The following GLI3 variants were observed in gnomAD, a reference collection of about 807,000 sequenced individuals.
GLI3 encodes transcription activator GLI3.
In GLI3, 20 loss-of-function variants were observed where a neutral mutation model predicts 100.8. That is an observed-to-expected ratio of 0.20 (90% CI 0.14 to 0.29). The LOEUF (loss-of-function observed/expected upper bound fraction) is 0.29, where lower values mean the gene tolerates loss of function less well. Among genes scored for constraint, GLI3 ranks in the 10% least tolerant of loss-of-function variants. GLI3 has a pLI of 1.00. For synonymous variants in GLI3, 938 were observed against 860.5 expected, an observed-to-expected ratio of 1.09 and a Z score of -1.58; for missense variants, 2,040 against 2,128.5, an observed-to-expected ratio of 0.96 and a Z score of 0.82.
Position 42,080,883 on chromosome 7 carries a change from A to C in GLI3, c.368-4026T>G, listed in dbSNP as rs372621224. ...GACGAGAACAGGCCCTTGTCGCCAG[A>C]GCCGCCATAATTACCCAGCTCGCAG... On this transcript the variant is annotated intron_variant, in intron 3 of 14. Transcript: ENST00000395925. Among the ~76,000 whole-genome samples the C allele has an allele frequency of 9.2e-5, 14 of 152,282 alleles. No individual in the cohort carries two copies. In the South Asian group the frequency reaches 1.5e-3, roughly 16 times the overall value.
At chr7:42,009,801 G>T (rs1788562434) in intron 10 of GLI3, among the ~76,000 whole-genome samples, 1 of 152,156 alleles carries the variant, frequency 6.6e-6, no homozygotes, top group African/African-American at 2.4e-5. Context: ...GAAGTGAGCT[G>T]CTTGCTTTCA....
chr7:42,040,547 G>A (rs568752049), intron 6 of GLI3, among the ~76,000 whole-genome samples: 96 of 152,192 alleles, frequency 6.3e-4, no homozygotes, highest in African/African-American at 2.2e-3. Flanking sequence ...TGAATCTGAC[G>A]GCTGCTTAGA....
chr7:41,997,352 T>A (rs1002379646), intron 10 of GLI3, among the ~76,000 whole-genome samples: 5 of 152,184 alleles, frequency 3.3e-5, no homozygotes, highest in African/African-American at 4.8e-5. Context: ...GGCTGGACTT[T>A]ACCAACTTTG....
chr7:42,179,996 A>G (rs1787559908), intron 2 of GLI3, among the ~76,000 whole-genome samples: 1 of 152,222 alleles, frequency 6.6e-6, no homozygotes, highest in Non-Finnish European at 1.5e-5. Context: ...TTTGGACGTT[A>G]TAAGCAAATC....
At chr7:42,068,687 C>T (rs1562712930) in intron 4 of GLI3, among the ~76,000 whole-genome samples, 1 of 152,108 alleles carries the variant, frequency 6.6e-6, no homozygotes, top group South Asian at 2.1e-4. Context: ...GGCCTTTGTT[C>T]CCCCGAGGAA....
At chr7:42,206,583 T>C (rs796909771) in intron 2 of GLI3, among the ~76,000 whole-genome samples, 1 of 152,278 alleles carries the variant, frequency 6.6e-6, no homozygotes, top group African/African-American at 2.4e-5. Context: ...ATAAGTAACA[T>C]AGTTCTACAA....
intron 3 of GLI3, among the ~76,000 whole-genome samples, chr7:42,131,347 A>C (rs981793311): frequency 6.6e-6 from 1 of 151,968 alleles, no homozygotes; most frequent in East Asian, 1.9e-4. Flanking sequence ...AAGACAAATA[A>C]TAGGGAAAAA....
rs554265189 is a variant in GLI3 at position 41,981,060 on chromosome 7, G to A, written c.1498-2312C>T. 5.3e-4 allele frequency among the ~76,000 whole-genome samples: 81 copies of A among 152,364 alleles called. 1 individual carries two copies. The highest frequency in any genetic ancestry group is 1.9e-3 in the African/African-American group (78 of 41,582). ...ATTTAGAGCAGGACCTGAAGGATGA[G>A]TAGACACATCAGGTGTGCAGGGAAG... On this transcript the variant is annotated intron_variant, in intron 10 of 14. Transcript: ENST00000395925.
chr7:42,107,749 ACACTT>A (rs1168088479), intron 3 of GLI3, among the ~76,000 whole-genome samples: 2 of 152,176 alleles, frequency 1.3e-5, no homozygotes, highest in African/African-American at 4.8e-5. Context: ...GTCTCTGGGG[ACACTT>A]CACAAATGCA....
intron 13 of GLI3, among the ~76,000 whole-genome samples, chr7:41,968,748 G>GAAGAAAGAAAGAAAGAAAGAAAGAA (rs1562662007): frequency 8.2e-6 from 1 of 122,156 alleles, no homozygotes; most frequent in African/African-American, 3.7e-5. Context: ...AAGAAAGAAA[G>GAAGAAAGAAAGAAAGAAAGAAAGAA]AAAGAAAGAA....
intron 7 of GLI3, among the ~76,000 whole-genome samples, chr7:42,034,680 G>A (rs1044551201): frequency 6.6e-6 from 1 of 152,048 alleles, no homozygotes; most frequent in Non-Finnish European, 1.5e-5. Flanking sequence ...AGGGTATCTT[G>A]TCATCATCCT....
At chr7:42,092,032 C>T (rs1455790734) in intron 3 of GLI3, among the ~76,000 whole-genome samples, 1 of 152,232 alleles carries the variant, frequency 6.6e-6, no homozygotes, top group Admixed American at 6.5e-5. Context: ...GGGCCAGTGG[C>T]GGCCCAGGCA....
At chr7:42,051,903 C>A (rs764620267) in intron 4 of GLI3, among the ~76,000 whole-genome samples, 3 of 152,280 alleles carry the variant, frequency 2.0e-5, no homozygotes, top group Middle Eastern at 3.4e-3. Context: ...ATCCTTTCTA[C>A]GGGTTTGGGC....
At chr7:42,077,999 A>G (rs1006875665) in intron 3 of GLI3, among the ~76,000 whole-genome samples, 7 of 152,204 alleles carry the variant, frequency 4.6e-5, no homozygotes, top group African/African-American at 1.4e-4. Context: ...GTGTACACCC[A>G]CAAGCCTCAG....
intron 3 of GLI3, among the ~76,000 whole-genome samples, chr7:42,128,024 A>AC (rs1223332418): frequency 6.7e-6 from 1 of 150,002 alleles, no homozygotes; most frequent in Non-Finnish European, 1.5e-5. Flanking sequence ...GACTCAAAAA[A>AC]AAAAAAAAGA....
intron 2 of GLI3, among the ~76,000 whole-genome samples, chr7:42,217,298 A>G (rs1448346906): frequency 1.3e-5 from 2 of 152,182 alleles, no homozygotes; most frequent in Non-Finnish European, 2.9e-5. Flanking sequence ...TGACCACAGG[A>G]AAGGTGATAT....
At chr7:42,187,040 T>C (rs1042515331) in intron 2 of GLI3, among the ~76,000 whole-genome samples, 3 of 89,464 alleles carry the variant, frequency 3.4e-5, no homozygotes, top group African/African-American at 2.2e-4. Context: ...TGAGAACCTG[T>C]CTCAAAAAAA....
At chr7:42,208,356 T>C (rs1202855306) in intron 2 of GLI3, among the ~76,000 whole-genome samples, 2 of 152,072 alleles carry the variant, frequency 1.3e-5, no homozygotes, top group East Asian at 3.9e-4. Context: ...AATGAATTAT[T>C]TTAATAATTT....
chr7:42,129,628 G>A (rs1786222455), intron 3 of GLI3, among the ~76,000 whole-genome samples: 1 of 152,082 alleles, frequency 6.6e-6, no homozygotes, highest in South Asian at 2.1e-4. Context: ...GGCCAAGATG[G>A]TGAAACCCCG....
Sources: gnomAD v4.1 joint callset for allele counts (sites outside exome capture counted in the v4.1 genomes callset) on GRCh38, gnomAD v4.1.1 for gene constraint, MANE v1.5 for transcripts, NCBI Gene and HGNC (gene_info 2026-07-23, HGNC 2026-07-21) for gene names.